Variants in TNFRSF10D observed in about 807,000 individuals in gnomAD.
TNFRSF10D encodes the protein tumor necrosis factor receptor superfamily member 10D.
A neutral mutation model predicts 42.1 loss-of-function variants in TNFRSF10D; 28 were observed. That is an observed-to-expected ratio of 0.66 (90% confidence interval 0.49 to 0.91). The LOEUF (loss-of-function observed/expected upper bound fraction) is 0.91, where lower values mean the gene tolerates loss of function less well. Ranked by LOEUF, TNFRSF10D falls within the 40% of genes least tolerant of loss-of-function variation. The probability of loss-of-function intolerance (pLI) is 0.00; values close to 1 mark genes in which losing one functional copy is unlikely to be tolerated. For synonymous variants in TNFRSF10D, 186 were observed against 189.4 expected, an observed-to-expected ratio of 0.98 and a Z score of 0.15; for missense variants, 503 against 486.1, an observed-to-expected ratio of 1.03 and a Z score of -0.33.
At chr8:23,160,154 C>A (rs1417109365) in intron 1 of TNFRSF10D, among the ~76,000 whole-genome samples, 668 of 151,728 alleles carry the variant, frequency 4.4e-3, no homozygotes, top group African/African-American at 0.014. Flanking sequence ...TCACCCACCA[C>A]ACTGTGGGCT....
chr8:23,157,985 T>G (rs1353844734), intron 1 of TNFRSF10D, among the ~76,000 whole-genome samples: 1 of 152,170 alleles, frequency 6.6e-6, no homozygotes, highest in East Asian at 1.9e-4. Flanking sequence ...GATCAGCAGC[T>G]TCCCAATAAG....
At chr8:23,144,030 T>C (rs1280908978) in intron 7 of TNFRSF10D, among the ~76,000 whole-genome samples, 1 of 152,318 alleles carries the variant, frequency 6.6e-6, no homozygotes, top group Non-Finnish European at 1.5e-5. Flanking sequence ...CCTTACATAC[T>C]TGATCAGAAA....
rs953273291 is a variant in TNFRSF10D at position 23,146,175 on chromosome 8, A to G, written c.483-254T>C. Among the ~76,000 whole-genome samples, 9 of 152,288 alleles carry G rather than the reference A, an allele frequency of 5.9e-5. 1 individual carries two copies. In the South Asian group the frequency reaches 1.9e-3, roughly 32 times the overall value. ...CAGGAGCCTTCTGTGCTGGGCACAC[A>G]CTGAGCTTCCCTGGGCTGCAGGGGA... is the stretch of plus-strand genomic sequence containing the variant. On this transcript the variant is annotated intron_variant, in intron 4 of 8. Coordinates refer to ENST00000312584, the MANE Select transcript of TNFRSF10D (RefSeq NM_003840.5).
chr8:23,144,884 G>C (rs971041472), intron 6 of TNFRSF10D, among the ~76,000 whole-genome samples, 174 bp downstream of exon 6: 1 of 152,166 alleles, frequency 6.6e-6, no homozygotes, highest in Non-Finnish European at 1.5e-5. Context: ...CTGCTGGTCT[G>C]TGTGCTGCTC....
chr8:23,149,436 A>G (rs1800184566), intron 2 of TNFRSF10D, among the ~76,000 whole-genome samples: 1 of 151,212 alleles, frequency 6.6e-6, no homozygotes, highest in Admixed American at 6.6e-5. Context: ...ACGGTGTATC[A>G]TCATATTGGC....
intron 3 of TNFRSF10D, among the ~76,000 whole-genome samples, chr8:23,147,947 C>A (rs1043552912): frequency 6.6e-6 from 1 of 151,056 alleles, no homozygotes; most frequent in African/African-American, 2.4e-5. Flanking sequence ...CACCTGTAGT[C>A]ATAGCTACTC....
rs1161962816 is a variant in TNFRSF10D at position 23,137,736 on chromosome 8, T to C, written c.*134A>G. 1.1e-3 allele frequency: 1,351 copies of C among 1,225,822 alleles called. No individual in the cohort carries two copies. The African/African-American group carries it at 0.018, about 16-fold the overall frequency. The allele number at this position is 1,225,822 out of a possible 1,614,324, so 75.9% of individuals were successfully genotyped here. ...TGCGTTAACAAAGTTCTAGGACCAT[T>C]GGTAAGCTGCCCCATATTGGATAGT... On this transcript the variant is annotated 3_prime_UTR_variant, in exon 9 of 9. Transcript: ENST00000312584.
chr8:23,161,633 C>CA (rs538583296), intron 1 of TNFRSF10D, among the ~76,000 whole-genome samples: 894 of 152,180 alleles, frequency 5.9e-3, no homozygotes, highest in African/African-American at 0.018. Flanking sequence ...CTCCCACTAC[C>CA]AAAACTCCCG....
intron 1 of TNFRSF10D, 27 bp from the exon 2 acceptor site, chr8:23,155,006 T>C: frequency 6.4e-7 from 1 of 1,573,748 alleles, no homozygotes. Flanking sequence ...GAGATGGGCT[T>C]GAGTGGCTTC....
intron 1 of TNFRSF10D, among the ~76,000 whole-genome samples, chr8:23,163,292 G>C (rs9721208): frequency 7.9e-5 from 12 of 151,736 alleles, no homozygotes; most frequent in African/African-American, 2.9e-4. Flanking sequence ...TAGTAGAGAC[G>C]GGGTTTCACC....
At chr8:23,158,312 G>A (rs192890927) in intron 1 of TNFRSF10D, among the ~76,000 whole-genome samples, 6 of 152,238 alleles carry the variant, frequency 3.9e-5, no homozygotes, top group African/African-American at 1.2e-4. Flanking sequence ...TTCAACGTAG[G>A]GTAACTCGGA....
intron 1 of TNFRSF10D, among the ~76,000 whole-genome samples, chr8:23,157,206 A>G (rs1292639143): frequency 1.3e-5 from 2 of 151,944 alleles, no homozygotes; most frequent in East Asian, 3.9e-4. Flanking sequence ...CATCTCCCCA[A>G]TTTTTTTAAT....
rs373751107 is a variant in TNFRSF10D, at chr8:23,163,953, G to A, written c.-18C>T. On this transcript the variant is annotated 5_prime_UTR_variant, in exon 1 of 9. Coordinates refer to ENST00000312584, the MANE Select transcript of TNFRSF10D (RefSeq NM_003840.5). ...AGTCCCATGAGAAGGGAGGAGGGTGGATCGAAAGCGCCAAAAATCAATCAG... is the reference window on the plus strand; with the variant it reads ...AGTCCCATGAGAAGGGAGGAGGGTGAATCGAAAGCGCCAAAAATCAATCAG... The A allele has an allele frequency of 4.4e-5, 68 of 1,536,978 alleles. No homozygotes were observed. The highest frequency in any genetic ancestry group is 5.6e-5 in the Non-Finnish European group (64 of 1,146,594).
At chr8:23,158,208 T>C (rs142986812) in intron 1 of TNFRSF10D, among the ~76,000 whole-genome samples, 805 of 152,290 alleles carry the variant, frequency 5.3e-3, no homozygotes, top group African/African-American at 0.018. Flanking sequence ...AACTTGCCTC[T>C]GTCTCTCCTT....
At chr8:23,139,604 C>G (rs888612769) in intron 7 of TNFRSF10D, among the ~76,000 whole-genome samples, 19 of 152,170 alleles carry the variant, frequency 1.2e-4, no homozygotes, top group African/African-American at 4.3e-4. Flanking sequence ...GGAAGCATTC[C>G]CCTTGAGAAC....
chr8:23,147,137 C>T, intron 3 of TNFRSF10D, 65 bp from the exon 4 acceptor site: 2 of 1,342,144 alleles, frequency 1.5e-6, no homozygotes, highest in Non-Finnish European at 1.1e-6. Context: ...CCTTCCTCAC[C>T]ACCCCATCCC....
At chr8:23,151,723 A>C (rs1285325735) in intron 2 of TNFRSF10D, among the ~76,000 whole-genome samples, 1 of 152,212 alleles carries the variant, frequency 6.6e-6, no homozygotes, top group Non-Finnish European at 1.5e-5. Flanking sequence ...GTGTAAAATA[A>C]AGTTAGACAT....
At chr8:23,138,535 C>G (rs968758339) in intron 7 of TNFRSF10D, among the ~76,000 whole-genome samples, 4 of 152,162 alleles carry the variant, frequency 2.6e-5, no homozygotes, top group Non-Finnish European at 5.9e-5. Context: ...GACATAGAAA[C>G]TGCCACACCC....
chr8:23,146,482 G>C (rs901470747), intron 4 of TNFRSF10D, among the ~76,000 whole-genome samples: 9 of 152,166 alleles, frequency 5.9e-5, no homozygotes, highest in Non-Finnish European at 1.3e-4. Context: ...ACTTAAGGGA[G>C]CTCCACCCAT....
Sources: allele counts gnomAD v4.1 joint callset (sites outside exome capture counted in the v4.1 genomes callset), GRCh38; gene constraint gnomAD v4.1.1; transcripts MANE v1.5; gene names NCBI Gene and HGNC (gene_info 2026-07-23, HGNC 2026-07-21).